Variants in ERBB4 observed in about 807,000 individuals in gnomAD.
ERBB4 encodes receptor tyrosine-protein kinase erbB-4.
Under a neutral mutation model 158.0 loss-of-function variants are expected in ERBB4, and 42 were observed. The ratio of observed to expected loss-of-function variants is 0.27; its 90% CI spans 0.21 to 0.34. ERBB4 has a LOEUF of 0.34. Among genes scored for constraint, ERBB4 ranks in the 10% least tolerant of loss-of-function variants. The pLI is 1.00. For synonymous variants in ERBB4, 583 were observed against 558.7 expected, an observed-to-expected ratio of 1.04 and a Z score of -0.61; for missense variants, 1,333 against 1,624.1, an observed-to-expected ratio of 0.82 and a Z score of 3.08.
intron 2 of ERBB4, among the ~76,000 whole-genome samples, chr2:212,007,463 C>A (rs73988935): frequency 0.066 from 9,951 of 151,742 alleles, 1,017 homozygotes; most frequent in African/African-American, 0.22. Flanking sequence ...AATATAATTA[C>A]ATATGAAAGG....
chr2:211,567,814 TAGC>T (rs1205415904), intron 19 of ERBB4, among the ~76,000 whole-genome samples: 1 of 148,332 alleles, frequency 6.7e-6, no homozygotes, highest in Non-Finnish European at 1.5e-5. Flanking sequence ...ATAAAAGAAA[TAGC>T]AGATGGCTGG....
At chr2:212,520,347 C>T (rs1466166249) in intron 1 of ERBB4, among the ~76,000 whole-genome samples, 3 of 151,924 alleles carry the variant, frequency 2.0e-5, no homozygotes, top group African/African-American at 7.2e-5. Flanking sequence ...ATCTAAAACA[C>T]ATTTAAAATG....
intron 1 of ERBB4, among the ~76,000 whole-genome samples, chr2:212,233,886 G>T (rs2083751543): frequency 6.6e-6 from 1 of 151,568 alleles, no homozygotes; most frequent in African/African-American, 2.4e-5. Flanking sequence ...TTTCATTTGT[G>T]ATTAAAAGTT....
chr2:212,163,297 T>C (rs2081256393), intron 1 of ERBB4, among the ~76,000 whole-genome samples: 1 of 152,018 alleles, frequency 6.6e-6, no homozygotes, highest in Non-Finnish European at 1.5e-5. Context: ...TCCAAGGTTT[T>C]CTTTTCACAG....
At chr2:211,735,752 T>C (rs978277916) in intron 5 of ERBB4, among the ~76,000 whole-genome samples, 12 of 152,068 alleles carry the variant, frequency 7.9e-5, no homozygotes, top group African/African-American at 2.9e-4. Context: ...AGAGACCTTT[T>C]GAGGAAACCA....
intron 3 of ERBB4, among the ~76,000 whole-genome samples, chr2:211,889,741 G>C (rs1357216562): frequency 1.3e-5 from 2 of 150,912 alleles, no homozygotes; most frequent in African/African-American, 2.5e-5. Flanking sequence ...ACCAAGGCTC[G>C]AGAACTACGT....
At chr2:211,898,750 C>A (rs546831676) in intron 3 of ERBB4, among the ~76,000 whole-genome samples, 33 of 152,208 alleles carry the variant, frequency 2.2e-4, no homozygotes, top group African/African-American at 7.2e-4. Context: ...ATTTATATTT[C>A]TCTTCTAATG....
chr2:211,936,024 G>T (rs7608264), intron 3 of ERBB4, among the ~76,000 whole-genome samples: 5,247 of 152,114 alleles, frequency 0.034, 122 homozygotes, highest in Admixed American at 0.065. Flanking sequence ...AAGCCTAAAT[G>T]AATTCTAGTT....
chr2:212,089,479 G>T (rs1367444581), intron 2 of ERBB4, among the ~76,000 whole-genome samples: 2 of 152,188 alleles, frequency 1.3e-5, no homozygotes, highest in African/African-American at 4.8e-5. Flanking sequence ...CCTGTGGGAG[G>T]TAACTGGGTC....
Position 212,156,895 on chromosome 2 carries a change from C to T in ERBB4, c.83-31992G>A, listed in dbSNP as rs576999979. Among the ~76,000 whole-genome samples the T allele has an allele frequency of 8.5e-5, 13 of 152,236 alleles. 1 individual carries two copies. In the South Asian group the frequency reaches 2.5e-3, roughly 29 times the overall value. ...TTCACTTCCCGTAGGCCCACTGCTA[C>T]TAGGTTAGTTCAGACCATCATTATT... On this transcript the variant is annotated intron_variant, in intron 1 of 27. Coordinates refer to ENST00000342788, the MANE Select transcript of ERBB4 (RefSeq NM_005235.3).
At chr2:212,350,355 G>A (rs1574743504) in intron 1 of ERBB4, among the ~76,000 whole-genome samples, 1 of 152,014 alleles carries the variant, frequency 6.6e-6, no homozygotes, top group East Asian at 1.9e-4. Flanking sequence ...AAAATACGAG[G>A]TTTTCCCTCT....
chr2:211,684,636 GCTAA>G (rs1469866666), intron 12 of ERBB4, among the ~76,000 whole-genome samples: 8 of 152,142 alleles, frequency 5.3e-5, no homozygotes, highest in East Asian at 1.9e-4. Context: ...CTGCTCTATA[GCTAA>G]CTATTTGAAC....
At chr2:212,342,159 G>A (rs1024382879) in intron 1 of ERBB4, among the ~76,000 whole-genome samples, 2 of 152,152 alleles carry the variant, frequency 1.3e-5, no homozygotes, top group African/African-American at 4.8e-5. Flanking sequence ...AGCTATTTGG[G>A]AGGCTGAGGT....
At chr2:212,475,666 C>T (rs1689350624) in intron 1 of ERBB4, among the ~76,000 whole-genome samples, 1 of 151,976 alleles carries the variant, frequency 6.6e-6, no homozygotes, top group African/African-American at 2.4e-5. Flanking sequence ...AAGCTAGTGA[C>T]ATGCAAAAAA....
intron 1 of ERBB4, among the ~76,000 whole-genome samples, chr2:212,442,837 AGGACT>A (rs2092282170): frequency 6.6e-6 from 1 of 152,204 alleles, no homozygotes; most frequent in South Asian, 2.1e-4. Context: ...CATCCCTGGA[AGGACT>A]GCAGAGATTA....
At chr2:211,889,739 T>A (rs2078913307) in intron 3 of ERBB4, among the ~76,000 whole-genome samples, 1 of 150,080 alleles carries the variant, frequency 6.7e-6, no homozygotes, top group Non-Finnish European at 1.5e-5. Context: ...AAACCAAGGC[T>A]CGAGAACTAC....
chr2:211,978,396 G>GTCTTTCTATCTATCTATCTATCTATCTA lies in ERBB4; in HGVS notation c.235-30781_235-30780insTAGATAGATAGATAGATAGATAGAAAGA, dbSNP rs77259627. 2.9e-3 allele frequency among the ~76,000 whole-genome samples: 401 copies of GTCTTTCTATCTATCTATCTATCTATCTA among 136,646 alleles called. 2 individuals are homozygous for GTCTTTCTATCTATCTATCTATCTATCTA. Among genetic ancestry groups the GTCTTTCTATCTATCTATCTATCTATCTA allele is most frequent in the Non-Finnish European group, 3.5e-3 (226 of 63,722 alleles). 89.6% of individuals were successfully genotyped at this position (136,646 alleles called of 152,430 possible). A position where few individuals can be genotyped will look rare whatever the true frequency, so the allele number is the denominator to read the frequency against. ...TGTCTGTCTGTCTGTCTGTCTGTCT[G>GTCTTTCTATCTATCTATCTATCTATCTA]TCTATCTATCTATCTATCTATCTAT... On this transcript the variant is annotated intron_variant, in intron 2 of 27. Coordinates refer to ENST00000342788, the MANE Select transcript of ERBB4 (RefSeq NM_005235.3).
intron 2 of ERBB4, among the ~76,000 whole-genome samples, chr2:212,022,514 A>G (rs1022491500): frequency 2.6e-5 from 4 of 152,076 alleles, no homozygotes; most frequent in South Asian, 4.1e-4. Context: ...GGGAAACAAC[A>G]CACACTGGGA....
intron 1 of ERBB4, among the ~76,000 whole-genome samples, chr2:212,404,573 C>A (rs1319093106): frequency 6.6e-6 from 1 of 151,994 alleles, no homozygotes; most frequent in Non-Finnish European, 1.5e-5. Context: ...TGAGTTATGG[C>A]ATGTTAGAGG....
Sources: allele counts gnomAD v4.1 joint callset (sites outside exome capture counted in the v4.1 genomes callset), GRCh38; gene constraint gnomAD v4.1.1; transcripts MANE v1.5; gene names NCBI Gene and HGNC (gene_info 2026-07-23, HGNC 2026-07-21).